The following TACR3 variants were observed in gnomAD, a reference collection of about 807,000 sequenced individuals.
TACR3 encodes tachykinin receptor 3.
TACR3 carries 34 observed loss-of-function variants against 35.0 expected under a neutral mutation model. That is an observed-to-expected ratio of 0.97 (90% CI 0.74 to 1.30). TACR3 has a LOEUF of 1.30. Among genes scored for constraint, TACR3 ranks in the 50% most tolerant of loss-of-function variants. The probability of loss-of-function intolerance (pLI) is 0.00; values close to 1 mark genes in which losing one functional copy is unlikely to be tolerated. For synonymous variants in TACR3, 233 were observed against 221.1 expected (o/e 1.05, Z -0.48); for missense variants, 558 against 591.7 (o/e 0.94, Z 0.59).
At chr4:103,685,663 G>C (rs1158498215) in intron 1 of TACR3, among the ~76,000 whole-genome samples, 3 of 152,068 alleles carry the variant, frequency 2.0e-5, no homozygotes, top group Non-Finnish European at 4.4e-5. Context: ...CTTCACAATA[G>C]AGTATACTCT....
chr4:103,674,021 C>T lies in TACR3; in HGVS notation c.549-15618G>A, dbSNP rs189862648. On this transcript the variant is annotated intron_variant, in intron 1 of 4. Transcript: ENST00000304883. Reference sequence around the variant, plus strand: ...AGGGAGTGGCAAACGGTGGCTTAAACGTGGAGGAGTTAGAAAGAATAAAAG... The same window carrying T: ...AGGGAGTGGCAAACGGTGGCTTAAATGTGGAGGAGTTAGAAAGAATAAAAG... 3.9e-5 allele frequency among the ~76,000 whole-genome samples: 6 copies of T among 152,086 alleles called. No homozygotes were observed. The East Asian group carries it at 5.8e-4, about 15-fold the overall frequency.
At chr4:103,651,798 A>T (rs1439395306) in intron 3 of TACR3, among the ~76,000 whole-genome samples, 1 of 151,878 alleles carries the variant, frequency 6.6e-6, no homozygotes, top group African/African-American at 2.4e-5. Flanking sequence ...CTTTTTAGTC[A>T]GTCGGTGATG....
At chr4:103,602,107 ACTTCT>A (rs1202449810) in intron 3 of TACR3, among the ~76,000 whole-genome samples, 1 of 151,792 alleles carries the variant, frequency 6.6e-6, no homozygotes, top group Non-Finnish European at 1.5e-5. Context: ...TTTTCTCTAA[ACTTCT>A]CTTCTCCCTT....
chr4:103,686,833 A>C (rs1355867292), intron 1 of TACR3, among the ~76,000 whole-genome samples: 1 of 152,174 alleles, frequency 6.6e-6, no homozygotes, highest in Non-Finnish European at 1.5e-5. Context: ...AGGAACTGGT[A>C]CCATTCCTTC....
At chr4:103,620,845 A>G (rs183088596) in intron 3 of TACR3, among the ~76,000 whole-genome samples, 2 of 152,064 alleles carry the variant, frequency 1.3e-5, no homozygotes, top group South Asian at 2.1e-4. Context: ...CAATATTCCT[A>G]TACAACAAAT....
chr4:103,673,066 T>A (rs890315750), intron 1 of TACR3, among the ~76,000 whole-genome samples: 1 of 152,204 alleles, frequency 6.6e-6, no homozygotes, highest in Non-Finnish European at 1.5e-5. Context: ...AAGAGCTAGA[T>A]CCTTGACACG....
chr4:103,619,133 C>G (rs1282175285), intron 3 of TACR3, among the ~76,000 whole-genome samples: 1 of 152,128 alleles, frequency 6.6e-6, no homozygotes, highest in Non-Finnish European at 1.5e-5. Flanking sequence ...AGTCTTTGAG[C>G]AGAGACTATA....
At chr4:103,688,585 G>T (rs1274978613) in intron 1 of TACR3, among the ~76,000 whole-genome samples, 1 of 138,040 alleles carries the variant, frequency 7.2e-6, no homozygotes, top group Non-Finnish European at 1.6e-5. Context: ...AAAAGTGGGC[G>T]AAGGACATGA....
intron 3 of TACR3, among the ~76,000 whole-genome samples, chr4:103,628,313 G>GAT (rs1252825546): frequency 1.3e-5 from 2 of 152,074 alleles, no homozygotes; most frequent in Non-Finnish European, 2.9e-5. Flanking sequence ...ACCTGAAGGA[G>GAT]ATAGAGACAC....
chr4:103,719,847 A>C lies in TACR3; in HGVS notation c.-172T>G. Reference sequence around the variant, plus strand: ...CTGGTTAGGGGATGCAGCTGGGGCTAAGGGGCAACAGCTGCACTTTCTCAG... The same window carrying C: ...CTGGTTAGGGGATGCAGCTGGGGCTCAGGGGCAACAGCTGCACTTTCTCAG... On this transcript the variant is annotated 5_prime_UTR_variant, in exon 1 of 5. Coordinates refer to ENST00000304883, the MANE Select transcript of TACR3 (RefSeq NM_001059.3). The C allele has an allele frequency of 1.2e-6, 1 of 805,470 alleles. No homozygotes were observed. Among genetic ancestry groups the C allele is most frequent in the Non-Finnish European group, 1.9e-6 (1 of 516,302 alleles). 49.9% of individuals were successfully genotyped at this position (805,470 alleles called of 1,614,324 possible).
chr4:103,702,567 T>C (rs1233499358), intron 1 of TACR3, among the ~76,000 whole-genome samples: 2 of 152,022 alleles, frequency 1.3e-5, no homozygotes, highest in East Asian at 3.9e-4. Context: ...ACCCAAAGGA[T>C]TATAAATCAT....
Position 103,658,333 on chromosome 4 carries a change from T to C in TACR3, c.619A>G (p.Ile207Val), listed in dbSNP as rs1578246426. 23 of 1,613,918 alleles carry C rather than the reference T, an allele frequency of 1.4e-5. No homozygotes were observed. Among genetic ancestry groups the C allele is most frequent in the Non-Finnish European group, 1.9e-5 (22 of 1,179,928 alleles). Reference sequence around the variant, plus strand: ...GCAAGTAGAAATGCTAGAATCCAAATACTTCCAATGACAATCTTGGTTGCT... The same window carrying C: ...GCAAGTAGAAATGCTAGAATCCAAACACTTCCAATGACAATCTTGGTTGCT... Reference protein sequence around the residue: ...ATATKIVIGSIWILAFLLAFP... With the variant: ...ATATKIVIGSVWILAFLLAFP... The change falls in exon 2 of 5, where the codon ATT becomes GTT. Residue 207 changes from isoleucine (I) to valine (V), a missense_variant. Physicochemically the swap from Ile to Val is conservative, Grantham distance 29. Coordinates refer to ENST00000304883, the MANE Select transcript of TACR3 (RefSeq NM_001059.3).
intron 3 of TACR3, among the ~76,000 whole-genome samples, chr4:103,616,098 A>C (rs1258418873): frequency 1.3e-5 from 2 of 152,238 alleles, no homozygotes; most frequent in Non-Finnish European, 2.9e-5. Flanking sequence ...TCAGAAATTC[A>C]TGACCTGTGC....
intron 1 of TACR3, among the ~76,000 whole-genome samples, chr4:103,681,116 C>T (rs1376725524): frequency 6.6e-6 from 1 of 151,906 alleles, no homozygotes; most frequent in African/African-American, 2.4e-5. Context: ...TTTCTTTAAA[C>T]TGGTAAAATA....
intron 3 of TACR3, among the ~76,000 whole-genome samples, chr4:103,608,996 GAATT>G (rs559266490): frequency 6.6e-6 from 1 of 152,004 alleles, no homozygotes; most frequent in African/African-American, 2.4e-5. Context: ...AATAGATGAG[GAATT>G]AATTTGATTA....
intron 3 of TACR3, among the ~76,000 whole-genome samples, chr4:103,596,217 G>A (rs1200753204): frequency 2.6e-5 from 4 of 151,636 alleles, no homozygotes; most frequent in Non-Finnish European, 4.4e-5. Context: ...ACATACGTGT[G>A]CATGTGTCTT....
chr4:103,715,356 T>C (rs1723066044), intron 1 of TACR3, among the ~76,000 whole-genome samples: 1 of 152,118 alleles, frequency 6.6e-6, no homozygotes, highest in Admixed American at 6.6e-5. Flanking sequence ...GTGTAGCACA[T>C]TCCCTCTCTC....
intron 3 of TACR3, among the ~76,000 whole-genome samples, chr4:103,614,884 GTTTTTTTTTTTTTTT>G (rs71580414): frequency 2.4e-4 from 17 of 72,060 alleles, no homozygotes; most frequent in Middle Eastern, 9.8e-3. Flanking sequence ...TTATGAATGT[GTTTTTTTTTTTTTTT>G]TTTTTTTTTT....
intron 3 of TACR3, among the ~76,000 whole-genome samples, chr4:103,632,221 A>G (rs1189882908): frequency 6.6e-6 from 1 of 152,306 alleles, no homozygotes; most frequent in East Asian, 1.9e-4. Flanking sequence ...GGCTTACCAG[A>G]TGAGACAGAA....
Sources: allele counts gnomAD v4.1 joint callset (sites outside exome capture counted in the v4.1 genomes callset), GRCh38; gene constraint gnomAD v4.1.1; transcripts MANE v1.5; gene names NCBI Gene and HGNC (gene_info 2026-07-23, HGNC 2026-07-21).